The following KLHL1 variants were observed in gnomAD, a reference collection of about 807,000 sequenced individuals.
KLHL1 encodes kelch-like protein 1.
KLHL1 carries 47 observed loss-of-function variants against 77.7 expected under a neutral mutation model. That is an observed-to-expected ratio of 0.60 (90% CI 0.48 to 0.77). The LOEUF (loss-of-function observed/expected upper bound fraction) is 0.77, where lower values mean the gene tolerates loss of function less well. Among genes scored for constraint, KLHL1 ranks in the 30% least tolerant of loss-of-function variants. The pLI, the probability that KLHL1 is intolerant of heterozygous loss-of-function variation, is 0.00. For synonymous variants in KLHL1, 360 were observed against 325.2 expected (o/e 1.11, Z -1.15); for missense variants, 925 against 910.8 (o/e 1.02, Z -0.20).
chr13:69,824,693 G>A (rs954577154), intron 6 of KLHL1, among the ~76,000 whole-genome samples: 2 of 152,012 alleles, frequency 1.3e-5, no homozygotes. Flanking sequence ...CTACAAATAG[G>A]CAAAACTAAC....
intron 6 of KLHL1, 43 bp from the exon 7 acceptor site, chr13:69,797,005 T>C (rs371198759): frequency 6.7e-7 from 1 of 1,497,928 alleles, no homozygotes; most frequent in African/African-American, 1.4e-5. Context: ...TGCTATAAAT[T>C]CAACAAACAG....
chr13:70,071,487 G>A (rs570743360), intron 1 of KLHL1, among the ~76,000 whole-genome samples: 1 of 151,926 alleles, frequency 6.6e-6, no homozygotes, highest in Non-Finnish European at 1.5e-5. Context: ...CTAAATAACA[G>A]CATCTAACAG....
At chr13:69,851,328 C>A (rs79366739) in intron 5 of KLHL1, among the ~76,000 whole-genome samples, 7,280 of 151,808 alleles carry the variant, frequency 0.048, 249 homozygotes, top group African/African-American at 0.088. Flanking sequence ...TTATTTCTGA[C>A]TGGGCAACAC....
intron 1 of KLHL1, among the ~76,000 whole-genome samples, chr13:69,982,476 T>TAATAA (rs1265252657): frequency 0.07 from 9,496 of 135,284 alleles, 948 homozygotes; most frequent in African/African-American, 0.23. Context: ...ATAATAATAA[T>TAATAA]AATAAAATAA....
intron 3 of KLHL1, among the ~76,000 whole-genome samples, chr13:69,950,782 G>A (rs1256866957): frequency 2.0e-5 from 3 of 151,520 alleles, no homozygotes; most frequent in African/African-American, 7.3e-5. Flanking sequence ...ACCCAGTTGA[G>A]TTTGATTTTC....
chr13:69,838,994 C>T lies in KLHL1; in HGVS notation c.1396G>A (p.Gly466Arg). ...STVGTLYAVG[G>R]MDNNKGATTI... is the part of the protein sequence containing the mutation. ...TAAATACCTTTGTTGTTATCCATTC[C>T]TCCTACAGCATACAAAGTTCCGACT... is the stretch of plus-strand genomic sequence containing the variant. Residue 466 changes from glycine to arginine, a missense_variant, in exon 6 of 11, where the codon GGA becomes AGA. Coordinates refer to ENST00000377844, the MANE Select transcript of KLHL1 (RefSeq NM_020866.3). 1.2e-6 allele frequency: 2 copies of T among 1,606,420 alleles called. No homozygotes were observed. The highest frequency in any genetic ancestry group is 1.1e-5 in the South Asian group (1 of 89,718).
chr13:69,804,582 CTG>C (rs1473763750), intron 6 of KLHL1, among the ~76,000 whole-genome samples: 1 of 152,114 alleles, frequency 6.6e-6, no homozygotes, highest in Non-Finnish European at 1.5e-5. Context: ...ATATTAATAA[CTG>C]GACTTCCAAG....
chr13:69,769,098 C>G (rs1344369805), intron 7 of KLHL1, among the ~76,000 whole-genome samples: 1 of 152,102 alleles, frequency 6.6e-6, no homozygotes, highest in Non-Finnish European at 1.5e-5. Context: ...CTATAACATA[C>G]CCACTATGTA....
At chr13:69,838,937 A>G in intron 6 of KLHL1, 39 bp downstream of exon 6, 1 of 1,435,648 alleles carries the variant, frequency 7.0e-7, no homozygotes, top group South Asian at 1.4e-5. Flanking sequence ...ACACGGTATA[A>G]CACAGGATGT....
At chr13:69,960,241 G>C (rs1884023100) in intron 3 of KLHL1, among the ~76,000 whole-genome samples, 1 of 151,102 alleles carries the variant, frequency 6.6e-6, no homozygotes, top group Non-Finnish European at 1.5e-5. Flanking sequence ...TTGGACTCCA[G>C]TGGCTGATCT....
At position 69,735,093 on chromosome 13, in the gene KLHL1, TTAGAG is replaced by T. The variant is rs1246338597; in HGVS notation, c.1802+5296_1802+5300del. 3.3e-5 allele frequency among the ~76,000 whole-genome samples: 5 copies of T among 152,162 alleles called. No individual in the cohort carries two copies. The East Asian group carries it at 7.7e-4, about 24-fold the overall frequency. On this transcript the variant is annotated intron_variant, in intron 8 of 10. Coordinates refer to ENST00000377844, the MANE Select transcript of KLHL1 (RefSeq NM_020866.3). The stretch of plus-strand genomic sequence containing the variant: ...CTTAGATGTGTAATATGATTTATAG[TTAGAG>T]TATTTATGCAAATTACCACATAAAC...
intron 1 of KLHL1, among the ~76,000 whole-genome samples, chr13:69,996,909 A>ATTTTTTTTTTTTT (rs1566484216): frequency 9.4e-6 from 1 of 106,620 alleles, no homozygotes; most frequent in East Asian, 2.9e-4. Flanking sequence ...TTATTCATTA[A>ATTTTTTTTTTTTT]ATTTTTTTTT....
At chr13:69,893,681 G>A (rs986564811) in intron 4 of KLHL1, among the ~76,000 whole-genome samples, 6 of 152,216 alleles carry the variant, frequency 3.9e-5, no homozygotes, top group South Asian at 2.1e-4. Flanking sequence ...ACATAAATGC[G>A]TGGAGCATTA....
chr13:69,972,567 G>A (rs546849623), intron 2 of KLHL1, among the ~76,000 whole-genome samples: 4 of 151,654 alleles, frequency 2.6e-5, no homozygotes, highest in Non-Finnish European at 5.9e-5. Flanking sequence ...TCCTCATTAT[G>A]AGCCCTATCT....
chr13:69,881,730 GA>G (rs1880997664), intron 5 of KLHL1, among the ~76,000 whole-genome samples: 1 of 151,204 alleles, frequency 6.6e-6, no homozygotes, highest in African/African-American at 2.5e-5. Flanking sequence ...TTGGTGTCTA[GA>G]GGCTTCTTAA....
At chr13:69,890,909 A>G (rs1477091397) in intron 4 of KLHL1, among the ~76,000 whole-genome samples, 2 of 152,150 alleles carry the variant, frequency 1.3e-5, no homozygotes, top group Non-Finnish European at 2.9e-5. Flanking sequence ...ATATACAAAC[A>G]TATACTTGTT....
intron 8 of KLHL1, among the ~76,000 whole-genome samples, chr13:69,730,107 TTAAA>T (rs1384788106): frequency 6.6e-6 from 1 of 152,192 alleles, no homozygotes; most frequent in Non-Finnish European, 1.5e-5. Context: ...AGACTCTGCG[TTAAA>T]TATTTTCTCC....
At chr13:70,040,873 G>A (rs1379973371) in intron 1 of KLHL1, among the ~76,000 whole-genome samples, 1 of 152,004 alleles carries the variant, frequency 6.6e-6, no homozygotes, top group Non-Finnish European at 1.5e-5. Flanking sequence ...ACAAATATTT[G>A]ATATTTCATT....
Position 69,892,500 on chromosome 13 carries a change from C to T in KLHL1, c.1015-10005G>A, listed in dbSNP as rs114501932. On this transcript the variant is annotated intron_variant, in intron 4 of 10. Coordinates refer to ENST00000377844, the MANE Select transcript of KLHL1 (RefSeq NM_020866.3). ...TCTAGGACATGTTTCAGAAAAGTGG[C>T]TGGAAGAATCTACTTTGATCTGTAA... Among the ~76,000 whole-genome samples, 1,006 of 152,142 alleles carry T rather than the reference C, an allele frequency of 6.6e-3. 12 individuals carry two copies. The highest frequency in any genetic ancestry group is 0.021 in the African/African-American group (869 of 41,496).
Sources: gnomAD v4.1 joint callset for allele counts (sites outside exome capture counted in the v4.1 genomes callset) on GRCh38, gnomAD v4.1.1 for gene constraint, MANE v1.5 for transcripts, NCBI Gene and HGNC (gene_info 2026-07-23, HGNC 2026-07-21) for gene names.